Variants in TLL2 observed in about 807,000 individuals in gnomAD.
The protein encoded by TLL2 is tolloid-like protein 2.
A neutral mutation model predicts 123.0 loss-of-function variants in TLL2; 106 were observed. That is an observed-to-expected ratio of 0.86 (90% confidence interval 0.74 to 1.01). The LOEUF (loss-of-function observed/expected upper bound fraction) is 1.01. Ranked by LOEUF, TLL2 falls within the 50% of genes least tolerant of loss-of-function variation. The pLI is 0.00. For synonymous variants in TLL2, 494 were observed against 516.8 expected (o/e 0.96, Z 0.60); for missense variants, 1,332 against 1,336.7 (o/e 1.00, Z 0.06).
intron 16 of TLL2, among the ~76,000 whole-genome samples, chr10:96,382,595 T>C (rs1846195712): frequency 6.6e-6 from 1 of 152,232 alleles, no homozygotes; most frequent in Non-Finnish European, 1.5e-5. Flanking sequence ...ATGAGGCCCT[T>C]AAATGTGATT....
At chr10:96,398,868 CTTT>C (rs3033618) in intron 10 of TLL2, among the ~76,000 whole-genome samples, 3 of 107,728 alleles carry the variant, frequency 2.8e-5, no homozygotes, top group Admixed American at 1.0e-4. Flanking sequence ...TGAAAATATT[CTTT>C]TTTTTTTTTT....
chr10:96,428,715 C>T lies in TLL2; in HGVS notation c.554G>A (p.Arg185Lys). ...CACACAGGTGTGCTTCTCCCAGTGT[C>T]TCATGGCCTGCTTAAAAATGGCCCT... ...SQRAIFKQAM[R>K]HWEKHTCVTF... Residue 185 changes from arginine (R) to lysine (K), a missense_variant, in exon 5 of 21, where the codon AGA (arginine) becomes AAA (lysine). Transcript: ENST00000357947. 3 of 1,613,984 alleles carry T rather than the reference C, an allele frequency of 1.9e-6. No individual in the cohort carries two copies. Among genetic ancestry groups the T allele is most frequent in the South Asian group, 2.2e-5 (2 of 91,036 alleles).
chr10:96,442,443 T>A (rs1846858938), intron 3 of TLL2, among the ~76,000 whole-genome samples: 1 of 151,938 alleles, frequency 6.6e-6, no homozygotes, highest in South Asian at 2.1e-4. Flanking sequence ...ATCCTGAGGG[T>A]TGGGATGGGA....
intron 19 of TLL2, among the ~76,000 whole-genome samples, chr10:96,371,751 C>T (rs1286853629): frequency 1.3e-5 from 2 of 152,198 alleles, no homozygotes; most frequent in African/African-American, 2.4e-5. Context: ...TGGCCTACAT[C>T]GATGACCCCG....
chr10:96,367,126 C>T lies in TLL2; in HGVS notation c.*962G>A, dbSNP rs1481312773. ...TAATTAACCAGTCTTCAACAGTGTT[C>T]ACCCCATAAGGGACCTGAATTGGTC... On this transcript the variant is annotated 3_prime_UTR_variant, in exon 21 of 21. Transcript: ENST00000357947. 1 of 152,252 alleles carries T rather than the reference C, an allele frequency of 6.6e-6. No individual in the cohort carries two copies. The highest frequency in any genetic ancestry group is 1.5e-5 in the Non-Finnish European group (1 of 68,044). 9.4% of individuals were successfully genotyped at this position (152,252 alleles called of 1,614,324 possible).
At chr10:96,433,097 G>T in intron 3 of TLL2, 135 bp from the exon 4 acceptor site, 1 of 1,225,182 alleles carries the variant, frequency 8.2e-7, no homozygotes, top group Non-Finnish European at 1.1e-6. Flanking sequence ...TCAGTTCAGG[G>T]TTTGGAAGCC....
intron 2 of TLL2, among the ~76,000 whole-genome samples, chr10:96,463,565 T>G (rs1044549923): frequency 6.6e-6 from 1 of 152,064 alleles, no homozygotes; most frequent in African/African-American, 2.4e-5. Flanking sequence ...AAATTAGAGT[T>G]GTGAGGGGGC....
intron 3 of TLL2, among the ~76,000 whole-genome samples, chr10:96,437,770 G>A (rs1300896039): frequency 6.6e-6 from 1 of 152,198 alleles, no homozygotes; most frequent in Non-Finnish European, 1.5e-5. Flanking sequence ...TCCATGGTAT[G>A]GATGAACCAC....
chr10:96,375,380 C>T (rs1846128558), intron 18 of TLL2: 1 of 152,246 alleles, frequency 6.6e-6, no homozygotes, highest in South Asian at 2.1e-4. Flanking sequence ...CTTTTGGAAA[C>T]TACCACGTGA....
intron 17 of TLL2, 81 bp from the exon 18 acceptor site, chr10:96,376,900 T>A (rs1023001652): frequency 1.4e-6 from 2 of 1,385,970 alleles, no homozygotes; most frequent in South Asian, 3.3e-5. Flanking sequence ...GGGGGTCTCC[T>A]CCCCTCTCTC....
chr10:96,493,303 T>G (rs1847434830), intron 1 of TLL2, among the ~76,000 whole-genome samples: 1 of 152,170 alleles, frequency 6.6e-6, no homozygotes, highest in Non-Finnish European at 1.5e-5. Context: ...AATGACTAAC[T>G]TACAGCCTTG....
At chr10:96,420,501 G>A (rs1846609186) in intron 7 of TLL2, among the ~76,000 whole-genome samples, 1 of 152,282 alleles carries the variant, frequency 6.6e-6, no homozygotes, top group African/African-American at 2.4e-5. Flanking sequence ...GAGCTGGCTG[G>A]AGCCTCATTG....
intron 9 of TLL2, among the ~76,000 whole-genome samples, chr10:96,407,104 T>C (rs1257067539): frequency 6.6e-6 from 1 of 152,076 alleles, no homozygotes; most frequent in Non-Finnish European, 1.5e-5. Flanking sequence ...CCATATATCA[T>C]GTTGACCAAA....
intron 3 of TLL2, among the ~76,000 whole-genome samples, chr10:96,440,551 T>C (rs753522972): frequency 3.9e-5 from 6 of 152,246 alleles, no homozygotes; most frequent in Admixed American, 1.3e-4. Context: ...AATTTTCCTC[T>C]GTCGCCAACT....
At chr10:96,460,625 G>A (rs533111078) in intron 2 of TLL2, among the ~76,000 whole-genome samples, 9 of 152,052 alleles carry the variant, frequency 5.9e-5, no homozygotes, top group East Asian at 5.8e-4. Flanking sequence ...CCCTTCTTTC[G>A]CTCTCTCCTG....
chr10:96,463,810 T>A (rs1448272489), intron 2 of TLL2, among the ~76,000 whole-genome samples: 1 of 152,182 alleles, frequency 6.6e-6, no homozygotes. Context: ...AGTTTTTCAG[T>A]TTGACCAAAT....
intron 3 of TLL2, among the ~76,000 whole-genome samples, chr10:96,440,554 C>T (rs1166809549): frequency 3.3e-5 from 5 of 152,188 alleles, no homozygotes; most frequent in East Asian, 1.9e-4. Flanking sequence ...TTTCCTCTGT[C>T]GCCAACTCTC....
intron 7 of TLL2, among the ~76,000 whole-genome samples, chr10:96,417,474 T>C (rs994867300): frequency 6.6e-6 from 1 of 152,226 alleles, no homozygotes; most frequent in Non-Finnish European, 1.5e-5. Context: ...CAAATCCTAC[T>C]GCAATGTGAA....
At chr10:96,398,571 C>T (rs572247731) in intron 10 of TLL2, among the ~76,000 whole-genome samples, 1 of 152,332 alleles carries the variant, frequency 6.6e-6, no homozygotes, top group Non-Finnish European at 1.5e-5. Context: ...GGTGCATGGT[C>T]TGAAATCTGG....
Sources: gnomAD v4.1 joint callset for allele counts (sites outside exome capture counted in the v4.1 genomes callset) on GRCh38, gnomAD v4.1.1 for gene constraint, MANE v1.5 for transcripts, NCBI Gene and HGNC (gene_info 2026-07-23, HGNC 2026-07-21) for gene names.